The following BBX variants were observed in gnomAD, a reference collection of about 807,000 sequenced individuals.
BBX encodes HMG box transcription factor BBX.
In BBX, 30 loss-of-function variants were observed where a neutral mutation model predicts 100.2. The ratio of observed to expected loss-of-function variants is 0.30; its 90% CI spans 0.22 to 0.41. The LOEUF is 0.41. BBX is among the 10% of genes least tolerant of loss of function. BBX has a pLI of 1.00. For missense variants in BBX, 1,023 were observed against 1,129.8 expected (o/e 0.91, Z 1.35); for synonymous variants, 376 against 388.1 (o/e 0.97, Z 0.37).
intron 14 of BBX, among the ~76,000 whole-genome samples, chr3:107,790,981 T>A (rs1164789529): frequency 1.3e-5 from 2 of 152,228 alleles, no homozygotes; most frequent in African/African-American, 4.8e-5. Context: ...ATCTTCAGAT[T>A]ACTTTGATTA....
At chr3:107,573,598 AT>A (rs2107525397) in intron 2 of BBX, among the ~76,000 whole-genome samples, 1 of 152,302 alleles carries the variant, frequency 6.6e-6, no homozygotes, top group South Asian at 2.1e-4. Context: ...GTTTGTTAAC[AT>A]GTTATGTGGG....
intron 9 of BBX, among the ~76,000 whole-genome samples, chr3:107,750,916 TTACAA>T (rs931199547): frequency 7.9e-5 from 12 of 152,286 alleles, no homozygotes; most frequent in Admixed American, 2.0e-4. Flanking sequence ...TTCTCAAACT[TTACAA>T]TACATCACAG....
At position 107,732,982 on chromosome 3, in the gene BBX, A is replaced by T. The variant is rs1457765223; in HGVS notation, c.628A>T (p.Met210Leu). ...TCCTACTCAAATGGGAGGCCTGAGT[A>T]TGCTGCTGTTAGCTGGAGAACATGC... Reference protein sequence around the residue: ...ADPTQMGGLSMLLLAGEHALG... With the variant: ...ADPTQMGGLSLLLLAGEHALG... The change falls in exon 7 of 18, where the codon ATG (methionine) becomes TTG (leucine). Residue 210 changes from methionine to leucine, a missense_variant. Physicochemically the swap from Met to Leu is conservative, Grantham distance 15. This residue lies in a region of BBX where 11 missense variants were observed against 31.6 expected (regional missense o/e 0.35). Transcript: ENST00000325805. 1.9e-6 allele frequency: 3 copies of T among 1,613,192 alleles called. No homozygotes were observed. The highest frequency in any genetic ancestry group is 2.5e-6 in the Non-Finnish European group (3 of 1,179,668).
At chr3:107,774,639 G>A in intron 11 of BBX, 80 bp from the exon 12 acceptor site, 1 of 1,446,762 alleles carries the variant, frequency 6.9e-7, no homozygotes. Flanking sequence ...GCAGTCAAGA[G>A]GTTGCTCGTG....
chr3:107,648,702 A>C (rs914191937), intron 3 of BBX, among the ~76,000 whole-genome samples: 2 of 152,194 alleles, frequency 1.3e-5, no homozygotes, highest in African/African-American at 2.4e-5. Flanking sequence ...CACATTTACT[A>C]TACAGTGACT....
chr3:107,733,297 A>G (rs2063430631), intron 7 of BBX, among the ~76,000 whole-genome samples: 1 of 152,198 alleles, frequency 6.6e-6, no homozygotes. Flanking sequence ...TGGTGTTTGC[A>G]TGACTCTGTC....
chr3:107,662,160 GTGC>G (rs2058483130), intron 3 of BBX, among the ~76,000 whole-genome samples: 1 of 152,178 alleles, frequency 6.6e-6, no homozygotes, highest in Non-Finnish European at 1.5e-5. Flanking sequence ...TGTTTTATGT[GTGC>G]TGATGGGGCC....
chr3:107,572,345 C>T (rs900273226), intron 2 of BBX, among the ~76,000 whole-genome samples: 25 of 152,134 alleles, frequency 1.6e-4, no homozygotes, highest in African/African-American at 5.5e-4. Flanking sequence ...CTTTTTTCTT[C>T]TATTTAATAT....
chr3:107,603,409 C>T (rs1320783157), intron 2 of BBX, among the ~76,000 whole-genome samples: 5 of 151,998 alleles, frequency 3.3e-5, no homozygotes, highest in South Asian at 2.1e-4. Context: ...GACGGAGTCT[C>T]GCTCTGTCGC....
At chr3:107,746,041 A>C (rs2064567676) in intron 8 of BBX, among the ~76,000 whole-genome samples, 1 of 152,148 alleles carries the variant, frequency 6.6e-6, no homozygotes, top group Non-Finnish European at 1.5e-5. Flanking sequence ...TTAATTTATA[A>C]TAACATCCCC....
chr3:107,531,252 G>A (rs2048140702), intron 2 of BBX, among the ~76,000 whole-genome samples: 1 of 152,168 alleles, frequency 6.6e-6, no homozygotes, highest in Non-Finnish European at 1.5e-5. Context: ...ATCACCCTCT[G>A]TAGGTGCTCC....
In BBX at chr3:107,808,051, A is replaced by G. The variant is rs755510001; in HGVS notation, c.*2594A>G. 1.3e-5 allele frequency: 2 copies of G among 152,200 alleles called. No individual in the cohort carries two copies. 9.4% of individuals were successfully genotyped at this position (152,200 alleles called of 1,614,324 possible). A position where few individuals can be genotyped will look rare whatever the true frequency, so the allele number is the denominator to read the frequency against. ...AGGAGTGTTGTTATTTTCAGGTAACAACATTCGTTAGCACAAATATTTCAG... is the reference window on the plus strand; with the variant it reads ...AGGAGTGTTGTTATTTTCAGGTAACGACATTCGTTAGCACAAATATTTCAG... On this transcript the variant is annotated 3_prime_UTR_variant, in exon 18 of 18. Transcript: ENST00000325805.
intron 7 of BBX, among the ~76,000 whole-genome samples, chr3:107,734,377 C>G (rs1306007580): frequency 6.6e-6 from 1 of 152,106 alleles, no homozygotes; most frequent in Non-Finnish European, 1.5e-5. Context: ...TTACTTTGTG[C>G]CTTTGCATAT....
At chr3:107,726,667 T>C (rs557920761) in intron 5 of BBX, among the ~76,000 whole-genome samples, 5 of 152,182 alleles carry the variant, frequency 3.3e-5, no homozygotes, top group East Asian at 3.9e-4. Flanking sequence ...TGCAGATCCA[T>C]TGTGAAAGCA....
chr3:107,523,483 C>G (rs902047897), intron 1 of BBX: 1 of 152,482 alleles, frequency 6.6e-6, no homozygotes, highest in Non-Finnish European at 1.5e-5. Context: ...CAGCCGGTGC[C>G]AGGCTGCGTT....
intron 13 of BBX, among the ~76,000 whole-genome samples, chr3:107,782,641 G>A (rs2068012911): frequency 6.6e-6 from 1 of 152,060 alleles, no homozygotes; most frequent in African/African-American, 2.4e-5. Context: ...GAACAAGAAT[G>A]TTCTGGAAAG....
rs1003485295 is a variant in BBX at position 107,744,819 on chromosome 3, A to C, written c.750+109A>C. 10 of 849,602 alleles carry C rather than the reference A, an allele frequency of 1.2e-5. No individual in the cohort carries two copies. In the African/African-American group the frequency reaches 1.3e-4, roughly 11 times the overall value. The allele number at this position is 849,602 out of a possible 1,614,324, so 52.6% of individuals were successfully genotyped here. ...ATGAAGAACTCTACTCAGCTCAACC[A>C]TAAGTGGGAAAATAGAATCAAATTT... On this transcript the variant is annotated intron_variant, in intron 8 of 17. Coordinates refer to ENST00000325805, the MANE Select transcript of BBX (RefSeq NM_001142568.3).
chr3:107,644,174 T>C (rs753519573), intron 2 of BBX, among the ~76,000 whole-genome samples: 13 of 148,134 alleles, frequency 8.8e-5, no homozygotes, highest in Non-Finnish European at 1.8e-4. Context: ...ACCTGAAGAT[T>C]AATGAGTTTA....
At chr3:107,569,259 G>C (rs888490252) in intron 2 of BBX, among the ~76,000 whole-genome samples, 1 of 152,146 alleles carries the variant, frequency 6.6e-6, no homozygotes, top group Non-Finnish European at 1.5e-5. Flanking sequence ...TTAATTACAA[G>C]AGTGAGTCTT....
Sources: gnomAD v4.1 joint callset for allele counts (sites outside exome capture counted in the v4.1 genomes callset) on GRCh38, gnomAD v4.1.1 for gene constraint, gnomAD v4.1.1 regional missense constraint, MANE v1.5 for transcripts, NCBI Gene and HGNC (gene_info 2026-07-23, HGNC 2026-07-21) for gene names.